PLCE1: variants seen among roughly 807,000 people sequenced by gnomAD.
The protein encoded by PLCE1 is phospholipase C epsilon 1, also known as 1-phosphatidylinositol 4,5-bisphosphate phosphodiesterase epsilon-1.
In PLCE1, 119 loss-of-function variants were observed where a neutral mutation model predicts 242.8. The observed-to-expected ratio is 0.49, with a 90% CI of 0.42 to 0.57. The LOEUF (loss-of-function observed/expected upper bound fraction) is 0.57, where lower values mean the gene tolerates loss of function less well. Among genes scored for constraint, PLCE1 ranks in the 20% least tolerant of loss-of-function variants. PLCE1 has a pLI of 0.00. For synonymous variants in PLCE1, 945 were observed against 1,017.4 expected (o/e 0.93, Z 1.35); for missense variants, 2,441 against 2,788.8 (o/e 0.88, Z 2.81).
chr10:94,327,549 T>TAAC (rs1216214446), intron 32 of PLCE1, among the ~76,000 whole-genome samples: 1 of 152,060 alleles, frequency 6.6e-6, no homozygotes, highest in African/African-American at 2.4e-5. Flanking sequence ...AAAAAGAAAG[T>TAAC]TAGTTTAGTA....
At chr10:94,217,870 G>T (rs867936012) in intron 4 of PLCE1, among the ~76,000 whole-genome samples, 1 of 151,626 alleles carries the variant, frequency 6.6e-6, no homozygotes, top group Admixed American at 6.6e-5. Flanking sequence ...TACCCTCAAG[G>T]AGGTGACAAT....
At chr10:93,997,570 T>G (rs964449829) in intron 1 of PLCE1, among the ~76,000 whole-genome samples, 3 of 151,492 alleles carry the variant, frequency 2.0e-5, no homozygotes, top group African/African-American at 7.3e-5. Context: ...GAGTCTGTTC[T>G]CTTGATCACT....
intron 2 of PLCE1, among the ~76,000 whole-genome samples, chr10:94,058,133 A>G (rs1015598344): frequency 6.6e-6 from 1 of 152,214 alleles, no homozygotes; most frequent in East Asian, 1.9e-4. Context: ...GAACTCCTAC[A>G]ATTAACAATG....
intron 2 of PLCE1, among the ~76,000 whole-genome samples, chr10:94,046,591 A>G (rs957182979): frequency 6.6e-6 from 1 of 152,236 alleles, no homozygotes; most frequent in Non-Finnish European, 1.5e-5. Context: ...TTGCTCTCAG[A>G]TCAACTTTCC....
intron 7 of PLCE1, 109 bp downstream of exon 7, chr10:94,236,229 C>A: frequency 2.5e-6 from 2 of 815,190 alleles, no homozygotes; most frequent in Non-Finnish European, 2.1e-6. Context: ...TCAAAACCTG[C>A]CACTTTTATC....
intron 3 of PLCE1, among the ~76,000 whole-genome samples, chr10:94,132,939 G>T (rs2046649900): frequency 1.6e-5 from 2 of 122,538 alleles, no homozygotes; most frequent in African/African-American, 3.4e-5. Context: ...AACAGAGTGA[G>T]ACTCCATCTC....
At chr10:94,259,258 C>A in intron 13 of PLCE1, 108 bp downstream of exon 13, 1 of 1,103,382 alleles carries the variant, frequency 9.1e-7, no homozygotes, top group Non-Finnish European at 1.4e-6. Context: ...TGTGCTATTA[C>A]TGCTGTGTAG....
intron 5 of PLCE1, among the ~76,000 whole-genome samples, chr10:94,229,806 C>G (rs940665426): frequency 7.9e-5 from 12 of 152,358 alleles, no homozygotes; most frequent in South Asian, 2.1e-4. Flanking sequence ...CCCAGACCCA[C>G]TGCTGCCTAG....
chr10:94,076,428 A>AC (rs2044503740), intron 2 of PLCE1, among the ~76,000 whole-genome samples: 1 of 152,102 alleles, frequency 6.6e-6, no homozygotes, highest in Non-Finnish European at 1.5e-5. Flanking sequence ...GTTGCAGTAC[A>AC]AGTTCAGAGG....
At chr10:94,240,560 ATCTT>A (rs1288469591) in intron 7 of PLCE1, among the ~76,000 whole-genome samples, 1 of 152,206 alleles carries the variant, frequency 6.6e-6, no homozygotes, top group African/African-American at 2.4e-5. Context: ...ATTTACTTCT[ATCTT>A]AAAAAATTAA....
At chr10:94,026,580 C>T (rs1348556649) in intron 1 of PLCE1, among the ~76,000 whole-genome samples, 1 of 152,162 alleles carries the variant, frequency 6.6e-6, no homozygotes, top group Non-Finnish European at 1.5e-5. Flanking sequence ...GCCAGCTTCC[C>T]TTAAAAACAA....
chr10:94,256,179 G>A (rs945482409), intron 11 of PLCE1, among the ~76,000 whole-genome samples: 4 of 151,326 alleles, frequency 2.6e-5, no homozygotes, highest in Admixed American at 6.6e-5. Context: ...AACAATTAGC[G>A]GGTGTGGTGG....
chr10:94,160,008 T>C (rs1016597639), intron 3 of PLCE1, among the ~76,000 whole-genome samples: 5 of 152,202 alleles, frequency 3.3e-5, no homozygotes, highest in South Asian at 2.1e-4. Context: ...TTTCTTAATC[T>C]GGTCTATCAT....
intron 2 of PLCE1, among the ~76,000 whole-genome samples, chr10:94,118,070 CA>C (rs2046188651): frequency 6.6e-6 from 1 of 151,964 alleles, no homozygotes; most frequent in African/African-American, 2.4e-5. Flanking sequence ...GTGCTAAAAC[CA>C]TATTTTTGGA....
Position 94,330,960 on chromosome 10 carries a change from A to G in PLCE1, c.*3017A>G, listed in dbSNP as rs1255620329. On this transcript the variant is annotated 3_prime_UTR_variant, in exon 33 of 33. Transcript: ENST00000371380. Reference sequence around the variant, plus strand: ...GAATCTAAATATGCAAGTTGGGGTCATTACAAAATTTTAAGAAGCATCACT... The same window carrying G: ...GAATCTAAATATGCAAGTTGGGGTCGTTACAAAATTTTAAGAAGCATCACT... 1.3e-5 allele frequency: 2 copies of G among 152,230 alleles called. No individual in the cohort carries two copies. Among genetic ancestry groups the G allele is most frequent in the Admixed American group, 6.5e-5 (1 of 15,288 alleles). 9.4% of individuals were successfully genotyped at this position (152,230 alleles called of 1,614,324 possible). A position where few individuals can be genotyped will look rare whatever the true frequency, so the allele number is the denominator to read the frequency against.
At chr10:94,054,219 G>A (rs868445054) in intron 2 of PLCE1, among the ~76,000 whole-genome samples, 41 of 152,120 alleles carry the variant, frequency 2.7e-4, no homozygotes, top group African/African-American at 9.4e-4. Flanking sequence ...TACATAATGC[G>A]GTGGTCTGCT....
intron 22 of PLCE1, among the ~76,000 whole-genome samples, chr10:94,291,911 G>GT (rs1289431527): frequency 1.3e-5 from 2 of 152,016 alleles, no homozygotes; most frequent in African/African-American, 2.4e-5. Flanking sequence ...CTCAGCCCTT[G>GT]TTTACATTCT....
chr10:94,031,454 A>G lies in PLCE1; in HGVS notation c.408A>G (p.Leu136=). 6.2e-7 allele frequency: 1 copy of G among 1,613,764 alleles called. No homozygotes were observed. The highest frequency in any genetic ancestry group is 8.5e-7 in the Non-Finnish European group (1 of 1,179,850). Residue 136 remains leucine, a synonymous_variant, in exon 2 of 33, where the codon TTA becomes TTG. Coordinates refer to ENST00000371380, the MANE Select transcript of PLCE1 (RefSeq NM_016341.4). ...YNSVAEEDLC[L]ETGIPSPLER... ...CTGTTGCTGAGGAAGACTTGTGTTT[A>G]GAAACTGGAATTCCTTCTCCACTGG...
In PLCE1 at chr10:94,316,654, C is replaced by T. The variant is rs749422027; in HGVS notation, c.6240C>T (p.Phe2080=). The change falls in exon 29 of 33, where the codon TTC becomes TTT. Residue 2080 remains phenylalanine, a synonymous_variant. Transcript: ENST00000371380. The part of the protein sequence containing the change: ...KEKNECRKQP[F]QRAIGPEEEI... ...AGAATGAATGTAGGAAACAACCATT[C>T]CAGAGAGCCATTGGTCCAGAAGAGG... The T allele has an allele frequency of 6.2e-7, 1 of 1,612,832 alleles. No individual in the cohort carries two copies. The highest frequency in any genetic ancestry group is 8.5e-7 in the Non-Finnish European group (1 of 1,178,860).
Sources: allele counts gnomAD v4.1 joint callset (sites outside exome capture counted in the v4.1 genomes callset), GRCh38; gene constraint gnomAD v4.1.1; transcripts MANE v1.5; gene names NCBI Gene and HGNC (gene_info 2026-07-23, HGNC 2026-07-21).